Variants in STMN1 observed in about 807,000 individuals in gnomAD.
The protein encoded by STMN1 is stathmin 1.
Under a neutral mutation model 19.7 loss-of-function variants are expected in STMN1, and 3 were observed. The observed-to-expected ratio is 0.15, with a 90% CI of 0.07 to 0.39. The LOEUF (loss-of-function observed/expected upper bound fraction) is 0.39. Among genes scored for constraint, STMN1 ranks in the 10% least tolerant of loss-of-function variants. STMN1 has a pLI of 1.00. For missense variants in STMN1, 99 were observed against 176.0 expected (o/e 0.56, Z 2.48); for synonymous variants, 59 against 58.9 (o/e 1.00, Z -0.01).
downstream of STMN1, among the ~76,000 whole-genome samples, chr1:25,896,501 GT>G (rs1307751451): frequency 3.3e-5 from 5 of 152,096 alleles, no homozygotes; most frequent in Admixed American, 6.5e-5. Flanking sequence ...TTTCCTGTCT[GT>G]TTTTTCTTCC....
chr1:25,903,876 A>G (rs972488806), intron 2 of STMN1, 63 bp from the exon 3 acceptor site: 11 of 1,497,826 alleles, frequency 7.3e-6, no homozygotes, highest in Non-Finnish European at 9.8e-6. Context: ...AAACTGTACT[A>G]TAATTTTCTA....
intron 2 of STMN1, 52 bp from the exon 3 acceptor site, chr1:25,903,865 T>G: frequency 6.5e-7 from 1 of 1,528,194 alleles, no homozygotes. Context: ...CCTGTTCTAA[T>G]AAACTGTACT....
chr1:25,892,674 C>G (rs748863387), intron 4 of STMN1: 4 of 884,594 alleles, frequency 4.5e-6, no homozygotes, highest in African/African-American at 3.7e-5. Flanking sequence ...CTAAACCAAA[C>G]GCCCCCGGGC....
exon 5 of STMN1, chr1:25,885,667 C>G: frequency 6.7e-7 from 1 of 1,490,702 alleles, no homozygotes; most frequent in Non-Finnish European, 9.0e-7. Flanking sequence ...CTTGGCCAGA[C>G]TGTTCATCAG....
intron 4 of STMN1, among the ~76,000 whole-genome samples, chr1:25,893,363 C>T (rs927380596): frequency 3.3e-5 from 5 of 152,058 alleles, no homozygotes; most frequent in Non-Finnish European, 7.4e-5. Context: ...CTTTACAGGG[C>T]CTCTCAGGAG....
chr1:25,890,702 A>G (rs2124227873), intron 4 of STMN1, among the ~76,000 whole-genome samples: 1 of 152,238 alleles, frequency 6.6e-6, no homozygotes, highest in South Asian at 2.1e-4. Flanking sequence ...TACCTGTCTG[A>G]CTACTCATTT....
At chr1:25,894,437 T>G (rs2048801659) in intron 4 of STMN1, among the ~76,000 whole-genome samples, 1 of 152,146 alleles carries the variant, frequency 6.6e-6, no homozygotes, top group Admixed American at 6.5e-5. Flanking sequence ...CGCAGCACTC[T>G]GGGAAGTTGA....
intron 4 of STMN1, among the ~76,000 whole-genome samples, chr1:25,892,818 C>A (rs1244529553): frequency 1.3e-5 from 2 of 152,226 alleles, no homozygotes; most frequent in Non-Finnish European, 2.9e-5. Flanking sequence ...TGGGCCTCAG[C>A]CAACACCATT....
Position 25,901,579 on chromosome 1 carries a change from G to A in STMN1, c.290C>T (p.Ala97Val). 1 of 1,613,864 alleles carries A rather than the reference G, an allele frequency of 6.2e-7. No individual in the cohort carries two copies. Among genetic ancestry groups the A allele is most frequent in the South Asian group, 1.1e-5 (1 of 91,050 alleles). Residue 97 changes from alanine to valine, a missense_variant, in exon 4 of 5, where the codon GCA (alanine) becomes GTA (valine). By Grantham distance (64) the Ala-to-Val change is moderately conservative (BLOSUM62 0). Coordinates refer to ENST00000455785, the MANE Select transcript of STMN1 (RefSeq NM_005563.4). ...CATTTTGTGGGTCAGTTTCTCTTCTGCCATTTTACTGAAGTTGTTGTTCTC... is the reference window on the plus strand; with the variant it reads ...CATTTTGTGGGTCAGTTTCTCTTCTACCATTTTACTGAAGTTGTTGTTCTC... The part of the protein sequence containing the change: ...IEENNNFSKM[A>V]EEKLTHKMEA...
At chr1:25,892,478 C>T (rs2048784437) in intron 4 of STMN1, 1 of 963,948 alleles carries the variant, frequency 1.0e-6, no homozygotes, top group Middle Eastern at 5.3e-4. Flanking sequence ...ACATCACTAA[C>T]TGGTTGCAAG....
intron 4 of STMN1, among the ~76,000 whole-genome samples, chr1:25,893,086 T>C (rs1572295373): frequency 1.3e-5 from 2 of 152,206 alleles, no homozygotes; most frequent in East Asian, 3.8e-4. Context: ...CGCTCAAAAA[T>C]GGCTAAAATG....
intron 4 of STMN1, among the ~76,000 whole-genome samples, chr1:25,893,250 T>G (rs1557478978): frequency 1.3e-5 from 2 of 152,244 alleles, no homozygotes; most frequent in Admixed American, 1.3e-4. Flanking sequence ...ACTTTCAATT[T>G]CTGTACTTAT....
chr1:25,902,610 C>T (rs549573424), intron 3 of STMN1: 2 of 152,368 alleles, frequency 1.3e-5, no homozygotes, highest in East Asian at 3.9e-4. Flanking sequence ...TCTATTGATT[C>T]TCTTCTGCCA....
At position 25,900,523 on chromosome 1, in the gene STMN1, T is replaced by C. The variant is rs572276191; in HGVS notation, c.*493A>G. 29 of 986,024 alleles carry C rather than the reference T, an allele frequency of 2.9e-5. No individual in the cohort carries two copies. Among genetic ancestry groups the C allele is most frequent in the Middle Eastern group, 5.2e-4 (1 of 1,914 alleles). 61.1% of individuals were successfully genotyped at this position (986,024 alleles called of 1,614,324 possible). A position where few individuals can be genotyped will look rare whatever the true frequency, so the allele number is the denominator to read the frequency against. On this transcript the variant is annotated 3_prime_UTR_variant, in exon 5 of 5. Transcript: ENST00000455785. Reference sequence around the variant, plus strand: ...AACAAGTATCAACCAGGAGGGGCTCTATGGCTTGATTTATTAACCTAACTC... The same window carrying C: ...AACAAGTATCAACCAGGAGGGGCTCCATGGCTTGATTTATTAACCTAACTC...
downstream of STMN1, among the ~76,000 whole-genome samples, chr1:25,897,429 T>G (rs1368941074): frequency 6.6e-6 from 1 of 152,194 alleles, no homozygotes; most frequent in Non-Finnish European, 1.5e-5. Flanking sequence ...AACTGTCATC[T>G]GGGTGCACAG....
At chr1:25,904,492 C>T (rs544493643) in intron 2 of STMN1, among the ~76,000 whole-genome samples, 172 bp downstream of exon 2, 7 of 152,314 alleles carry the variant, frequency 4.6e-5, no homozygotes, top group Admixed American at 6.5e-5. Flanking sequence ...TAAACAATTA[C>T]GAGCTCTCGG....
chr1:25,897,728 G>A (rs1018184241), downstream of STMN1, among the ~76,000 whole-genome samples: 6 of 152,170 alleles, frequency 3.9e-5, no homozygotes, highest in Admixed American at 2.0e-4. Context: ...GCAGGGCTTA[G>A]AGCAGATCTG....
intron 4 of STMN1, among the ~76,000 whole-genome samples, chr1:25,888,380 C>A (rs1272948278): frequency 1.3e-5 from 2 of 152,198 alleles, no homozygotes; most frequent in Non-Finnish European, 2.9e-5. Context: ...TTGATTACAG[C>A]AGAATGCAAA....
intron 4 of STMN1, among the ~76,000 whole-genome samples, chr1:25,891,481 C>T (rs960450956): frequency 2.0e-5 from 3 of 152,106 alleles, no homozygotes; most frequent in African/African-American, 7.2e-5. Flanking sequence ...AAGCAGATGT[C>T]CCAGTCCCCT....
Sources: allele counts gnomAD v4.1 joint callset (sites outside exome capture counted in the v4.1 genomes callset), GRCh38; gene constraint gnomAD v4.1.1; transcripts MANE v1.5; gene names NCBI Gene and HGNC (gene_info 2026-07-23, HGNC 2026-07-21).